The following PCDHA8 variants were observed in gnomAD, a reference collection of about 807,000 sequenced individuals.
The protein encoded by PCDHA8 is protocadherin alpha 8.
Under a neutral mutation model 61.8 loss-of-function variants are expected in PCDHA8, and 53 were observed. The ratio of observed to expected loss-of-function variants is 0.86; its 90% CI spans 0.69 to 1.08. The LOEUF (loss-of-function observed/expected upper bound fraction) is 1.08. PCDHA8 is among the 50% of genes least tolerant of loss of function. The pLI is 0.00. For missense variants in PCDHA8, 1,293 were observed against 1,245.0 expected (o/e 1.04, Z -0.58); for synonymous variants, 618 against 556.6 (o/e 1.11, Z -1.55).
intron 1 of PCDHA8, among the ~76,000 whole-genome samples, chr5:140,879,587 G>A (rs904371743): frequency 6.6e-6 from 1 of 152,186 alleles, no homozygotes. Context: ...GACAGACATT[G>A]AAAAGTGAAA....
intron 1 of PCDHA8, among the ~76,000 whole-genome samples, chr5:140,943,363 T>C (rs1192531762): frequency 2.0e-5 from 3 of 148,712 alleles, no homozygotes; most frequent in Non-Finnish European, 4.5e-5. Flanking sequence ...GGAAAGGAGA[T>C]CATTAAAATA....
intron 1 of PCDHA8, among the ~76,000 whole-genome samples, chr5:140,894,286 A>T (rs2064400911): frequency 6.6e-6 from 1 of 151,788 alleles, no homozygotes; most frequent in African/African-American, 2.4e-5. Flanking sequence ...GTATTTTTGA[A>T]GTTTATTTTC....
intron 1 of PCDHA8, among the ~76,000 whole-genome samples, chr5:140,937,818 A>T (rs190175998): frequency 0.029 from 4,407 of 151,960 alleles, 79 homozygotes; most frequent in Admixed American, 0.046. Context: ...AAGCTGAGGC[A>T]GGAGAATGGC....
At chr5:140,977,227 A>G (rs149467858) in intron 1 of PCDHA8, among the ~76,000 whole-genome samples, 4 of 152,288 alleles carry the variant, frequency 2.6e-5, no homozygotes, top group African/African-American at 7.2e-5. Context: ...ATGTTACCCA[A>G]TCATAGAAAA....
chr5:140,922,381 A>T (rs1554200794), intron 1 of PCDHA8, among the ~76,000 whole-genome samples: 2 of 152,208 alleles, frequency 1.3e-5, no homozygotes, highest in Admixed American at 6.5e-5. Flanking sequence ...TGCAAAACCA[A>T]AGACTCCTTG....
rs2150318031 is a variant in PCDHA8, at chr5:140,841,549, G to A, written c.228G>A (p.Glu76=). The A allele has an allele frequency of 3.1e-6, 5 of 1,613,828 alleles. No homozygotes were observed. The South Asian group carries it at 3.3e-5, about 11-fold the overall frequency. Residue 76 remains glutamate (E), a synonymous_variant, in exon 1 of 4, where the codon GAG becomes GAA. Transcript: ENST00000531613. ...CCAAAAGACACCGGGACCTTCTGGA[G>A]GTAAGTCTGCAGAATGGCATTTTGT... ...VASKRHRDLL[E]VSLQNGILFV... is the part of the protein sequence containing the mutation.
rs543390372 is a variant in PCDHA8 at position 140,900,669 on chromosome 5, A to G, written c.2394+56954A>G. 4.8e-4 allele frequency among the ~76,000 whole-genome samples: 73 copies of G among 152,334 alleles called. 1 individual carries two copies. The highest frequency in any genetic ancestry group is 1.5e-3 in the South Asian group (7 of 4,824). On this transcript the variant is annotated intron_variant, in intron 1 of 3. Transcript: ENST00000531613. ...CTGCTGCAATGAACAATGGGAGTGC[A>G]GTTATCTCTTCAATATACTGATTTC...
Position 140,858,065 on chromosome 5 carries a change from C to T in PCDHA8, c.2394+14350C>T, listed in dbSNP as rs200661444. 1.2e-3 allele frequency: 1,989 copies of T among 1,597,646 alleles called. 147 individuals carry two copies. Among genetic ancestry groups the T allele is most frequent in the Non-Finnish European group, 1.1e-3 (1,233 of 1,167,558 alleles). Reference sequence around the variant, plus strand: ...GCTTGTGTCGCTTGTGGAGGGCAGCCAGGCACCCAAGGCCTCGTCGCGGGC... The same window carrying T: ...GCTTGTGTCGCTTGTGGAGGGCAGCTAGGCACCCAAGGCCTCGTCGCGGGC... On this transcript the variant is annotated intron_variant, in intron 1 of 3. Transcript: ENST00000531613.
At chr5:140,897,340 C>G (rs1326802877) in intron 1 of PCDHA8, among the ~76,000 whole-genome samples, 1 of 122,842 alleles carries the variant, frequency 8.1e-6, no homozygotes, top group African/African-American at 3.1e-5. Flanking sequence ...CCCCTCCCCC[C>G]ACCCCACAAC....
chr5:140,976,556 T>G (rs2096722872), intron 1 of PCDHA8, among the ~76,000 whole-genome samples: 1 of 151,920 alleles, frequency 6.6e-6, no homozygotes, highest in African/African-American at 2.4e-5. Flanking sequence ...ATCTCATAAA[T>G]AAATAAATAA....
chr5:141,000,972 CT>C (rs2097980392), intron 3 of PCDHA8, among the ~76,000 whole-genome samples: 1 of 151,780 alleles, frequency 6.6e-6, no homozygotes, highest in Non-Finnish European at 1.5e-5. Context: ...CTTCATATTC[CT>C]TTTTTATAAA....
intron 1 of PCDHA8, among the ~76,000 whole-genome samples, chr5:140,901,967 T>C (rs2069024315): frequency 6.6e-6 from 1 of 152,134 alleles, no homozygotes; most frequent in East Asian, 1.9e-4. Flanking sequence ...CTATCGTAAA[T>C]GGGATTACTT....
Position 140,849,815 on chromosome 5 carries a change from G to A in PCDHA8, c.2394+6100G>A, listed in dbSNP as rs2150451415. On this transcript the variant is annotated intron_variant, in intron 1 of 3. Transcript: ENST00000531613. ...CGCCTTCACTGTGGGCCACGGCCAGGGTGTCTGTGGAGGTGGCCGACGTGA... is the reference window on the plus strand; with the variant it reads ...CGCCTTCACTGTGGGCCACGGCCAGAGTGTCTGTGGAGGTGGCCGACGTGA... 1.8e-4 allele frequency: 280 copies of A among 1,598,402 alleles called. 16 individuals carry two copies. In the South Asian group the frequency reaches 3.0e-3, roughly 17 times the overall value.
At position 141,010,950 on chromosome 5, in the gene PCDHA8, A is replaced by G. The variant is rs1278386004; in HGVS notation, c.*1013A>G. The G allele has an allele frequency of 6.5e-6, 1 of 153,760 alleles. No homozygotes were observed. Among genetic ancestry groups the G allele is most frequent in the Admixed American group, 6.5e-5 (1 of 15,284 alleles). 9.5% of individuals were successfully genotyped at this position (153,760 alleles called of 1,614,324 possible). A position where few individuals can be genotyped will look rare whatever the true frequency, so the allele number is the denominator to read the frequency against. ...TCAGTCTACAGCCATTTAAATGATC[A>G]TTGCTGCTACAGAAGTGCTTTAAGA... is the stretch of plus-strand genomic sequence containing the variant. On this transcript the variant is annotated 3_prime_UTR_variant, in exon 4 of 4. Coordinates refer to ENST00000531613, the MANE Select transcript of PCDHA8 (RefSeq NM_018911.3).
At chr5:140,867,685 T>C (rs2050105980) in intron 1 of PCDHA8, 1 of 152,116 alleles carries the variant, frequency 6.6e-6, no homozygotes, top group African/African-American at 2.4e-5. Context: ...TGTTGCATCT[T>C]CTTTTTTTCC....
intron 1 of PCDHA8, among the ~76,000 whole-genome samples, chr5:140,906,586 C>G (rs1199094981): frequency 6.6e-6 from 1 of 152,218 alleles, no homozygotes; most frequent in African/African-American, 2.4e-5. Context: ...TGATGACTAC[C>G]TTCCTCTACT....
intron 1 of PCDHA8, chr5:140,927,063 C>T: frequency 6.2e-7 from 1 of 1,611,332 alleles, no homozygotes; most frequent in Non-Finnish European, 8.5e-7. Flanking sequence ...ACTTTCGCTT[C>T]CTTTCCAGCC....
Position 140,941,473 on chromosome 5 carries a change from G to A in PCDHA8, c.2395-37476G>A, listed in dbSNP as rs192163900. Among the ~76,000 whole-genome samples, 149 of 151,018 alleles carry A rather than the reference G, an allele frequency of 9.9e-4. 1 individual carries two copies. Among genetic ancestry groups the A allele is most frequent in the African/African-American group, 3.5e-3 (143 of 41,138 alleles). Reference sequence around the variant, plus strand: ...TGGGATTACAGGCGCCCACCACCACGCCTGGCTAATTTTTTGTATTTTTAG... The same window carrying A: ...TGGGATTACAGGCGCCCACCACCACACCTGGCTAATTTTTTGTATTTTTAG... On this transcript the variant is annotated intron_variant, in intron 1 of 3. Coordinates refer to ENST00000531613, the MANE Select transcript of PCDHA8 (RefSeq NM_018911.3).
Position 140,939,111 on chromosome 5 carries a change from T to G in PCDHA8, c.2395-39838T>G, listed in dbSNP as rs141486595. Reference sequence around the variant, plus strand: ...CTTAAAAACAATAGAAATTTATTTTTCACAATTCTGGAAGCTGGAAAGTTG... The same window carrying G: ...CTTAAAAACAATAGAAATTTATTTTGCACAATTCTGGAAGCTGGAAAGTTG... On this transcript the variant is annotated intron_variant, in intron 1 of 3. Coordinates refer to ENST00000531613, the MANE Select transcript of PCDHA8 (RefSeq NM_018911.3). Among the ~76,000 whole-genome samples, 62 of 152,324 alleles carry G rather than the reference T, an allele frequency of 4.1e-4. No homozygotes were observed. The East Asian group carries it at 0.01, about 25-fold the overall frequency.
Sources: allele counts gnomAD v4.1 joint callset (sites outside exome capture counted in the v4.1 genomes callset), GRCh38; gene constraint gnomAD v4.1.1; transcripts MANE v1.5; gene names NCBI Gene and HGNC (gene_info 2026-07-23, HGNC 2026-07-21).